The following ATXN1 variants were observed in gnomAD, a reference collection of about 807,000 sequenced individuals.
ATXN1 encodes ataxin-1.
A neutral mutation model predicts 56.4 loss-of-function variants in ATXN1; 8 were observed. The observed-to-expected ratio is 0.14, with a 90% CI of 0.08 to 0.26. ATXN1 has a LOEUF of 0.26. ATXN1 is among the 10% of genes least tolerant of loss of function. ATXN1 has a pLI of 1.00. For missense variants in ATXN1, 987 were observed against 1,106.5 expected (o/e 0.89, Z 1.53); for synonymous variants, 514 against 494.6 (o/e 1.04, Z -0.52).
intron 6 of ATXN1, among the ~76,000 whole-genome samples, chr6:16,466,333 A>C (rs1475563136): frequency 4.3e-5 from 2 of 46,494 alleles, no homozygotes; most frequent in Admixed American, 2.4e-4. Context: ...AAAAAAAAAA[A>C]AAAAAAAAAA....
intron 4 of ATXN1, among the ~76,000 whole-genome samples, chr6:16,578,445 G>T (rs941728216): frequency 6.6e-6 from 1 of 152,200 alleles, no homozygotes; most frequent in Admixed American, 6.5e-5. Context: ...AATCTGAAGA[G>T]TTCTACATTT....
At chr6:16,424,465 TTA>T (rs1759107431) in intron 6 of ATXN1, among the ~76,000 whole-genome samples, 1 of 152,152 alleles carries the variant, frequency 6.6e-6, no homozygotes, top group Non-Finnish European at 1.5e-5. Flanking sequence ...CTTCGGCTAT[TTA>T]ATAATAGTAT....
intron 2 of ATXN1, among the ~76,000 whole-genome samples, chr6:16,685,298 T>C (rs985199039): frequency 2.6e-5 from 4 of 152,176 alleles, no homozygotes; most frequent in African/African-American, 9.7e-5. Context: ...TTTTGCCCAA[T>C]GACACTGACA....
chr6:16,634,144 C>G (rs1422342524), intron 3 of ATXN1, among the ~76,000 whole-genome samples: 3 of 152,206 alleles, frequency 2.0e-5, no homozygotes, highest in Non-Finnish European at 4.4e-5. Flanking sequence ...AATCACTACT[C>G]TTTCTTCTTA....
chr6:16,697,905 T>C (rs995367746), intron 2 of ATXN1, among the ~76,000 whole-genome samples: 1 of 152,132 alleles, frequency 6.6e-6, no homozygotes, highest in African/African-American at 2.4e-5. Flanking sequence ...AGCTGCCCCA[T>C]CGACTAGGAA....
chr6:16,312,460 C>A (rs1050540516), intron 7 of ATXN1, among the ~76,000 whole-genome samples: 1 of 151,734 alleles, frequency 6.6e-6, no homozygotes, highest in Non-Finnish European at 1.5e-5. Flanking sequence ...TTTTATGGCA[C>A]CGAGATAATA....
chr6:16,453,943 C>T (rs185080954), intron 6 of ATXN1, among the ~76,000 whole-genome samples: 130 of 152,004 alleles, frequency 8.6e-4, no homozygotes, highest in African/African-American at 3.0e-3. Context: ...GAGTTCAAGA[C>T]CAGCCTGGCC....
At position 16,363,954 on chromosome 6, in the gene ATXN1, G is replaced by A. The variant is rs371522317; in HGVS notation, c.-160-35484C>T. 2.6e-5 allele frequency among the ~76,000 whole-genome samples: 4 copies of A among 152,208 alleles called. No individual in the cohort carries two copies. In the East Asian group the frequency reaches 7.7e-4, roughly 29 times the overall value. ...CCCAACCTAAAATTGCTGAGTCAGTGGGAATTTCTCAGGGAATCCATGTTC... is the reference window on the plus strand; with the variant it reads ...CCCAACCTAAAATTGCTGAGTCAGTAGGAATTTCTCAGGGAATCCATGTTC... On this transcript the variant is annotated intron_variant, in intron 6 of 7. Coordinates refer to ENST00000436367, the MANE Select transcript of ATXN1 (RefSeq NM_001128164.2).
chr6:16,600,524 G>A (rs1762893831), intron 3 of ATXN1, among the ~76,000 whole-genome samples: 1 of 152,158 alleles, frequency 6.6e-6, no homozygotes, highest in African/African-American at 2.4e-5. Context: ...TGAACAGAAT[G>A]CTTCACTATT....
At position 16,572,830 on chromosome 6, in the gene ATXN1, C is replaced by T. The variant is rs529294776; in HGVS notation, c.-361+12950G>A. ...TTTTTCTTCTATAAAGTTCAGTATACTTTTATGGCATTTTAACTTTCAGTT... is the reference window on the plus strand; with the variant it reads ...TTTTTCTTCTATAAAGTTCAGTATATTTTTATGGCATTTTAACTTTCAGTT... On this transcript the variant is annotated intron_variant, in intron 4 of 7. Transcript: ENST00000436367. Among the ~76,000 whole-genome samples, 6 of 152,260 alleles carry T rather than the reference C, an allele frequency of 3.9e-5. No individual in the cohort carries two copies. In the East Asian group the frequency reaches 9.6e-4, roughly 24 times the overall value.
intron 6 of ATXN1, among the ~76,000 whole-genome samples, chr6:16,408,437 A>C (rs1282184441): frequency 6.6e-6 from 1 of 152,094 alleles, no homozygotes; most frequent in Non-Finnish European, 1.5e-5. Flanking sequence ...TATGTTAAAG[A>C]AGTATTGTCT....
At chr6:16,377,340 G>C (rs902774867) in intron 6 of ATXN1, among the ~76,000 whole-genome samples, 1 of 152,216 alleles carries the variant, frequency 6.6e-6, no homozygotes, top group Non-Finnish European at 1.5e-5. Flanking sequence ...CAACTGGAGT[G>C]AATGTGGCAC....
intron 6 of ATXN1, among the ~76,000 whole-genome samples, chr6:16,439,806 G>C (rs1207485526): frequency 6.6e-6 from 1 of 152,202 alleles, no homozygotes. Flanking sequence ...AGGCACAGTG[G>C]CTCACGCCTG....
At chr6:16,364,107 G>A (rs138806521) in intron 6 of ATXN1, among the ~76,000 whole-genome samples, 147 of 151,728 alleles carry the variant, frequency 9.7e-4, no homozygotes, top group African/African-American at 3.0e-3. Flanking sequence ...GTCGCTTAAA[G>A]GTAGACCCTG....
intron 7 of ATXN1, among the ~76,000 whole-genome samples, chr6:16,316,865 CTT>C (rs375359789): frequency 6.6e-4 from 66 of 99,442 alleles, no homozygotes; most frequent in African/African-American, 1.2e-3. Flanking sequence ...GACTGCCTGT[CTT>C]TTTTTTTTTT....
chr6:16,303,904 A>AGAT lies in ATXN1; in HGVS notation c.*2422_*2424dup, dbSNP rs1760176071. 1 of 152,666 alleles carries AGAT rather than the reference A, an allele frequency of 6.6e-6. No individual in the cohort carries two copies. The highest frequency in any genetic ancestry group is 2.4e-5 in the African/African-American group (1 of 41,468). The allele number at this position is 152,666 out of a possible 1,614,324, so 9.5% of individuals were successfully genotyped here. A position where few individuals can be genotyped will look rare whatever the true frequency, so the allele number is the denominator to read the frequency against. ...AAGTGCCCTGAGCAGAATATATGGA[A>AGAT]GATTAAGCAAGTTCTCTGAACAGAA... On this transcript the variant is annotated 3_prime_UTR_variant, in exon 8 of 8. Coordinates refer to ENST00000436367, the MANE Select transcript of ATXN1 (RefSeq NM_001128164.2). The surrounding 1 kb of genome is among the most constrained non-coding windows in gnomAD (Gnocchi z 4.3).
At chr6:16,541,241 C>T (rs1421792141) in intron 4 of ATXN1, among the ~76,000 whole-genome samples, 1 of 152,172 alleles carries the variant, frequency 6.6e-6, no homozygotes, top group East Asian at 1.9e-4. Flanking sequence ...CGCAACACTA[C>T]TAGGACACCT....
At chr6:16,621,758 G>A (rs1332795388) in intron 3 of ATXN1, among the ~76,000 whole-genome samples, 1 of 152,078 alleles carries the variant, frequency 6.6e-6, no homozygotes, top group Admixed American at 6.6e-5. Context: ...TTGATAGCCC[G>A]AAAAGAAGAA....
chr6:16,667,994 C>T (rs1039875482), intron 2 of ATXN1, among the ~76,000 whole-genome samples: 1 of 152,170 alleles, frequency 6.6e-6, no homozygotes, highest in Non-Finnish European at 1.5e-5. Flanking sequence ...TGCTCTCTGA[C>T]CCCCTGTAAT....
Sources: allele counts gnomAD v4.1 joint callset (sites outside exome capture counted in the v4.1 genomes callset), GRCh38; gene constraint gnomAD v4.1.1; non-coding constraint Gnocchi (gnomAD v3.1); transcripts MANE v1.5; gene names NCBI Gene and HGNC (gene_info 2026-07-23, HGNC 2026-07-21).